Variants in ELF3 observed in about 807,000 individuals in gnomAD.
ELF3 encodes the protein E74 like ETS transcription factor 3, also known as ETS-related transcription factor Elf-3.
A neutral mutation model predicts 43.9 loss-of-function variants in ELF3; 18 were observed. The observed-to-expected ratio is 0.41, with a 90% CI of 0.28 to 0.61. The LOEUF (loss-of-function observed/expected upper bound fraction) is 0.61. ELF3 is among the 20% of genes least tolerant of loss of function. The pLI is 0.30. For missense variants in ELF3, 373 were observed against 487.7 expected (o/e 0.76, Z 2.21); for synonymous variants, 181 against 190.2 (o/e 0.95, Z 0.40).
rs572309540 is a variant in ELF3 at position 202,016,455 on chromosome 1, T to C, written c.*1132T>C. 6.6e-6 allele frequency: 1 copy of C among 151,274 alleles called. No individual in the cohort carries two copies. The highest frequency in any genetic ancestry group is 6.6e-5 in the Admixed American group (1 of 15,164). 9.4% of individuals were successfully genotyped at this position (151,274 alleles called of 1,614,324 possible). ...CATTCCAGCCAAGTGTGCTGTAAAC[T>C]GTATATCTGTAATATGAATCCCAGC... is the stretch of plus-strand genomic sequence containing the variant. On this transcript the variant is annotated 3_prime_UTR_variant, in exon 9 of 9. Coordinates refer to ENST00000367284, the MANE Select transcript of ELF3 (RefSeq NM_004433.5).
chr1:202,013,760 G>A lies in ELF3; in HGVS notation c.806-69G>A, dbSNP rs1684260049. On this transcript the variant is annotated intron_variant, in intron 7 of 8. Transcript: ENST00000367284. This position sits in a 1 kb window ranked among gnomAD's most constrained non-coding sequence, Gnocchi z 5.7. ...GCCAAGTCAGCAGTGCACTGGGGCG[G>A]GCAGGGCTGGCTGGCCTTGGGTGAG... is the stretch of plus-strand genomic sequence containing the variant. 6.6e-7 allele frequency: 1 copy of A among 1,523,402 alleles called. No individual in the cohort carries two copies. The highest frequency in any genetic ancestry group is 2.0e-5 in the Admixed American group (1 of 49,920). 94.4% of individuals were successfully genotyped at this position (1,523,402 alleles called of 1,614,324 possible).
chr1:202,012,292 G>A lies in ELF3; in HGVS notation c.386-52G>A. The A allele has an allele frequency of 6.2e-7, 1 of 1,610,234 alleles. No homozygotes were observed. Among genetic ancestry groups the A allele is most frequent in the African/African-American group, 1.3e-5 (1 of 74,966 alleles). On this transcript the variant is annotated intron_variant, in intron 3 of 8. Transcript: ENST00000367284. The surrounding 1 kb of genome is among the most constrained non-coding windows in gnomAD (Gnocchi z 4.2). ...TGGGCCAGCTGCACAGCCAGAGAGA[G>A]CCCTTGAGGGAGGGATTAGGGGAGT...
Position 202,012,468 on chromosome 1 carries a change from C to T in ELF3, c.478+32C>T. The T allele has an allele frequency of 6.2e-7, 1 of 1,609,834 alleles. No homozygotes were observed. The highest frequency in any genetic ancestry group is 1.1e-5 in the South Asian group (1 of 90,454). Reference sequence around the variant, plus strand: ...ACCCGTTTTCTCCTTCCTTCCCCAGCCTGTCTTGTCCCATCCCTGCCCCTC... The same window carrying T: ...ACCCGTTTTCTCCTTCCTTCCCCAGTCTGTCTTGTCCCATCCCTGCCCCTC... On this transcript the variant is annotated intron_variant, in intron 4 of 8. Transcript: ENST00000367284. The surrounding 1 kb of genome is among the most constrained non-coding windows in gnomAD (Gnocchi z 4.2).
chr1:202,012,930 C>A lies in ELF3; in HGVS notation c.599-17C>A. On this transcript the variant is annotated splice_polypyrimidine_tract_variant and intron_variant, in intron 5 of 8. Coordinates refer to ENST00000367284, the MANE Select transcript of ELF3 (RefSeq NM_004433.5). This position sits in a 1 kb window ranked among gnomAD's most constrained non-coding sequence, Gnocchi z 4.2. ...AGGGTGGGCCGGCAGGGGACTTACTCTGACCCCGCCCCCCAGGGACTGGTG... is the reference window on the plus strand; with the variant it reads ...AGGGTGGGCCGGCAGGGGACTTACTATGACCCCGCCCCCCAGGGACTGGTG... 1 of 1,600,366 alleles carries A rather than the reference C, an allele frequency of 6.2e-7. No individual in the cohort carries two copies. The highest frequency in any genetic ancestry group is 1.1e-5 in the South Asian group (1 of 88,138).
rs1684168969 is a variant in ELF3, at chr1:202,010,642, C to G, written c.-73C>G. On this transcript the variant is annotated 5_prime_UTR_variant, in exon 1 of 9. Transcript: ENST00000367284. The surrounding 1 kb of genome is among the most constrained non-coding windows in gnomAD (Gnocchi z 4.3). Reference sequence around the variant, plus strand: ...CAGCGGCCAGATACCTCAGCGCTACCTGGCGGAACTGGATTTCTCTCCCGC... The same window carrying G: ...CAGCGGCCAGATACCTCAGCGCTACGTGGCGGAACTGGATTTCTCTCCCGC... 6.2e-6 allele frequency: 1 copy of G among 161,450 alleles called. No homozygotes were observed. The highest frequency in any genetic ancestry group is 2.4e-5 in the African/African-American group (1 of 41,502). The allele number at this position is 161,450 out of a possible 1,614,324, so 10.0% of individuals were successfully genotyped here.
rs1684294326 is a variant in ELF3 at position 202,015,567 on chromosome 1, G to A, written c.*244G>A. 1.9e-6 allele frequency: 1 copy of A among 516,800 alleles called. No homozygotes were observed. The highest frequency in any genetic ancestry group is 1.9e-5 in the African/African-American group (1 of 52,026). 32.0% of individuals were successfully genotyped at this position (516,800 alleles called of 1,614,324 possible). On this transcript the variant is annotated 3_prime_UTR_variant, in exon 9 of 9. Transcript: ENST00000367284. ...TTTGAAGCTGACTTTATAGCTGCAA[G>A]TGTATCTCCTTTTATCTGGTGCCTC...
Position 202,012,650 on chromosome 1 carries a change from C to A in ELF3, c.489C>A (p.Ser163Arg). Residue 163 changes from serine to arginine, a missense_variant, in exon 5 of 9, where the codon AGC (serine) becomes AGA (arginine). This residue lies in a region of ELF3 where 311 missense variants were observed against 351.2 expected (regional missense o/e 0.89). Coordinates refer to ENST00000367284, the MANE Select transcript of ELF3 (RefSeq NM_004433.5). The surrounding 1 kb of genome is among the most constrained non-coding windows in gnomAD (Gnocchi z 4.2). ...ACCTCCTCTTCCCAGACCAGGGCAG[C>A]CCCTTTGCCCAGGAGCTGCTGGACG... ...ALDPGPFDQG[S>R]PFAQELLDDG... is the part of the protein sequence containing the mutation. The A allele has an allele frequency of 6.2e-7, 1 of 1,603,152 alleles. No homozygotes were observed. The highest frequency in any genetic ancestry group is 8.5e-7 in the Non-Finnish European group (1 of 1,174,342).
rs1233179473 is a variant in ELF3, at chr1:202,012,217, A to T, written c.385+39A>T. The stretch of plus-strand genomic sequence containing the variant: ...CCTGGAGGCTGGGGAGCAGCTCCAC[A>T]TGTTGAGCTGAGTCGAGTTCAGTGT... On this transcript the variant is annotated intron_variant, in intron 3 of 8. Transcript: ENST00000367284. The surrounding 1 kb of genome is among the most constrained non-coding windows in gnomAD (Gnocchi z 4.2). 1.2e-6 allele frequency: 2 copies of T among 1,608,830 alleles called. No homozygotes were observed. Among genetic ancestry groups the T allele is most frequent in the Non-Finnish European group, 1.7e-6 (2 of 1,177,778 alleles).
rs151176873 is a variant in ELF3 at position 202,012,154 on chromosome 1, C to T, written c.361C>T (p.Leu121Phe). The T allele has an allele frequency of 1.9e-6, 3 of 1,613,616 alleles. No individual in the cohort carries two copies. The highest frequency in any genetic ancestry group is 3.3e-5 in the Admixed American group (2 of 60,026). ...RLVFGPLGDQ[L>F]HAQLRDLTSS... ...GGTCTTTGGGCCTCTGGGGGACCAA[C>T]TCCATGCCCAGCTGCGAGACCTCAG... Residue 121 changes from leucine to phenylalanine, a missense_variant, in exon 3 of 9, where the codon CTC becomes TTC. Transcript: ENST00000367284. The surrounding 1 kb of genome is among the most constrained non-coding windows in gnomAD (Gnocchi z 4.2).
intron 2 of ELF3, 82 bp from the exon 3 acceptor site, chr1:202,011,875 C>G: frequency 8.7e-7 from 1 of 1,155,278 alleles, no homozygotes; most frequent in Non-Finnish European, 1.2e-6. Flanking sequence ...GAGACTCCAT[C>G]TCAAAAAAAA....
At chr1:202,015,017 T>A in intron 8 of ELF3, 192 bp from the exon 9 acceptor site, 1 of 571,082 alleles carries the variant, frequency 1.8e-6, no homozygotes, top group Non-Finnish European at 3.2e-6. Context: ...TACAGGCCAG[T>A]GTAGGGAAAG....
intron 2 of ELF3, 37 bp downstream of exon 2, chr1:202,011,336 G>A: frequency 6.6e-7 from 1 of 1,521,774 alleles, no homozygotes; most frequent in Non-Finnish European, 8.8e-7. Flanking sequence ...CACGGAGTGG[G>A]AGACAGATCC....
chr1:202,012,977 C>T lies in ELF3; in HGVS notation c.629C>T (p.Ser210Leu). 1 of 1,613,710 alleles carries T rather than the reference C, an allele frequency of 6.2e-7. No individual in the cohort carries two copies. Among genetic ancestry groups the T allele is most frequent in the South Asian group, 1.1e-5 (1 of 90,998 alleles). The change falls in exon 6 of 9, where the codon TCA (serine) becomes TTA (leucine). Residue 210 changes from serine (S) to leucine (L), a missense_variant. Physicochemically the swap from Ser to Leu is moderately radical, Grantham distance 145 (BLOSUM62 -2). This residue lies in a region of ELF3 where 311 missense variants were observed against 351.2 expected (regional missense o/e 0.89). Coordinates refer to ENST00000367284, the MANE Select transcript of ELF3 (RefSeq NM_004433.5). The surrounding 1 kb of genome is among the most constrained non-coding windows in gnomAD (Gnocchi z 4.2). ...GTGASRSSHS[S>L]DSGGSDVDLD... ...GGTGCTTCTCGGAGCTCCCACTCCT[C>T]AGACTCCGGTGGAAGTGACGTGGAC...
chr1:202,015,126 G>T, intron 8 of ELF3, 83 bp from the exon 9 acceptor site: 1 of 1,412,568 alleles, frequency 7.1e-7, no homozygotes, highest in East Asian at 2.3e-5. Flanking sequence ...TTACCTGGGG[G>T]TAACGCGGGC....
chr1:202,014,528 A>G (rs909240555), intron 8 of ELF3, among the ~76,000 whole-genome samples: 1 of 152,154 alleles, frequency 6.6e-6, no homozygotes, highest in Non-Finnish European at 1.5e-5. Flanking sequence ...CCTGGCCTCA[A>G]ATGACTCTCC....
chr1:202,012,854 C>T lies in ELF3; in HGVS notation c.599-93C>T. 6.5e-7 allele frequency: 1 copy of T among 1,544,764 alleles called. No individual in the cohort carries two copies. On this transcript the variant is annotated intron_variant, in intron 5 of 8. Transcript: ENST00000367284. The surrounding 1 kb of genome is among the most constrained non-coding windows in gnomAD (Gnocchi z 4.2). ...CATAACTCAGGCCTTCTGGCAGGAA[C>T]AGGAACAGGCTGGGAAGTGTGTCCT...
rs547026083 is a variant in ELF3 at position 202,013,758 on chromosome 1, C to T, written c.806-71C>T. The T allele has an allele frequency of 2.3e-5, 34 of 1,507,634 alleles. No individual in the cohort carries two copies. The South Asian group carries it at 2.6e-4, about 11-fold the overall frequency. 93.4% of individuals were successfully genotyped at this position (1,507,634 alleles called of 1,614,324 possible). A position where few individuals can be genotyped will look rare whatever the true frequency, so the allele number is the denominator to read the frequency against. ...TGGCCAAGTCAGCAGTGCACTGGGG[C>T]GGGCAGGGCTGGCTGGCCTTGGGTG... On this transcript the variant is annotated intron_variant, in intron 7 of 8. Coordinates refer to ENST00000367284, the MANE Select transcript of ELF3 (RefSeq NM_004433.5). This position sits in a 1 kb window ranked among gnomAD's most constrained non-coding sequence, Gnocchi z 5.7.
At chr1:202,015,059 A>G in intron 8 of ELF3, 150 bp from the exon 9 acceptor site, 2 of 661,550 alleles carry the variant, frequency 3.0e-6, no homozygotes, top group Non-Finnish European at 5.3e-6. Context: ...AGAACAGAGG[A>G]GTTTAGGAAG....
In ELF3 at chr1:202,012,160, G is replaced by T. The variant is rs1244025029; in HGVS notation, c.367G>T (p.Ala123Ser). The T allele has an allele frequency of 2.0e-5, 32 of 1,613,474 alleles. No individual in the cohort carries two copies. The highest frequency in any genetic ancestry group is 2.6e-5 in the Non-Finnish European group (31 of 1,179,988). ...VFGPLGDQLH[A>S]QLRDLTSSSS... Reference sequence around the variant, plus strand: ...TGGGCCTCTGGGGGACCAACTCCATGCCCAGCTGCGAGACCTCAGTGAGTC... The same window carrying T: ...TGGGCCTCTGGGGGACCAACTCCATTCCCAGCTGCGAGACCTCAGTGAGTC... Residue 123 changes from alanine (A) to serine (S), a missense_variant, in exon 3 of 9, where the codon GCC (alanine) becomes TCC (serine). Physicochemically the swap from Ala to Ser is moderately conservative, Grantham distance 99. Transcript: ENST00000367284. This position sits in a 1 kb window ranked among gnomAD's most constrained non-coding sequence, Gnocchi z 4.2.
Sources: gnomAD v4.1 joint callset for allele counts (sites outside exome capture counted in the v4.1 genomes callset) on GRCh38, gnomAD v4.1.1 for gene constraint, gnomAD v4.1.1 regional missense constraint, Gnocchi (gnomAD v3.1) non-coding constraint, MANE v1.5 for transcripts, NCBI Gene and HGNC (gene_info 2026-07-23, HGNC 2026-07-21) for gene names.